The following HSD17B3 variants were observed in gnomAD, a reference collection of about 807,000 sequenced individuals.
HSD17B3 encodes the protein hydroxysteroid 17-beta dehydrogenase 3.
Under a neutral mutation model 41.1 loss-of-function variants are expected in HSD17B3, and 29 were observed. The observed-to-expected ratio is 0.71, with a 90% CI of 0.53 to 0.96. The LOEUF is 0.96. HSD17B3 is among the 40% of genes least tolerant of loss of function. The pLI, the probability that HSD17B3 is intolerant of heterozygous loss-of-function variation, is 0.00. For missense variants in HSD17B3, 323 were observed against 374.6 expected, an observed-to-expected ratio of 0.86 and a Z score of 1.14; for synonymous variants, 126 against 145.6, an observed-to-expected ratio of 0.87 and a Z score of 0.97.
chr9:96,292,526 T>C (rs1489553506), intron 2 of HSD17B3, among the ~76,000 whole-genome samples: 1 of 152,036 alleles, frequency 6.6e-6, no homozygotes, highest in African/African-American at 2.4e-5. Context: ...TTTTGTATTT[T>C]CCGTAGAGAC....
chr9:96,258,061 T>C (rs1825734769), intron 2 of HSD17B3, among the ~76,000 whole-genome samples: 1 of 152,228 alleles, frequency 6.6e-6, no homozygotes, highest in African/African-American at 2.4e-5. Context: ...CCCATTCTTC[T>C]ATGGAGTAAC....
intron 3 of HSD17B3, 135 bp downstream of exon 3, chr9:96,254,733 C>G (rs1246083855): frequency 2.6e-6 from 2 of 756,712 alleles, no homozygotes; most frequent in East Asian, 2.7e-5. Flanking sequence ...GCTTTGTAAC[C>G]GGGCTCCCCA....
At chr9:96,300,773 TA>T in intron 1 of HSD17B3, among the ~76,000 whole-genome samples, 1 of 152,166 alleles carries the variant, frequency 6.6e-6, no homozygotes, top group Non-Finnish European at 1.5e-5. Flanking sequence ...TTCCAGTAGA[TA>T]AATCCCATGG....
chr9:96,301,907 G>T, intron 1 of HSD17B3, 44 bp downstream of exon 1: 1 of 1,584,418 alleles, frequency 6.3e-7, no homozygotes, highest in Non-Finnish European at 8.7e-7. Flanking sequence ...GTAACAAGCA[G>T]GAACAACAGC....
chr9:96,295,882 T>C (rs1002019316), intron 2 of HSD17B3, among the ~76,000 whole-genome samples: 5 of 152,020 alleles, frequency 3.3e-5, no homozygotes, highest in Non-Finnish European at 5.9e-5. Context: ...AGATGACACT[T>C]GGAGGTAAGG....
At position 96,259,753 on chromosome 9, in the gene HSD17B3, C is replaced by T. The variant is rs369858033; in HGVS notation, c.202-4810G>A. Among the ~76,000 whole-genome samples, 13 of 151,910 alleles carry T rather than the reference C, an allele frequency of 8.6e-5. No individual in the cohort carries two copies. The East Asian group carries it at 2.5e-3, about 29-fold the overall frequency. On this transcript the variant is annotated intron_variant, in intron 2 of 10. Coordinates refer to ENST00000375263, the MANE Select transcript of HSD17B3 (RefSeq NM_000197.2). ...AAAAAAAAAGTGTGTAGCGGAGAAT[C>T]TGTCACATAAGAAGCCCTCAATTGT...
intron 2 of HSD17B3, among the ~76,000 whole-genome samples, chr9:96,266,722 C>T (rs1587748198): frequency 6.6e-6 from 1 of 152,124 alleles, no homozygotes; most frequent in African/African-American, 2.4e-5. Flanking sequence ...GAGAGAGAAG[C>T]TAGACTCAGG....
In HSD17B3 at chr9:96,302,096, G is replaced by A. The variant is rs139582148; in HGVS notation, c.9C>T (p.Asp3=). 2.6e-4 allele frequency: 413 copies of A among 1,614,024 alleles called. 2 individuals carry two copies. Among genetic ancestry groups the A allele is most frequent in the Middle Eastern group, 1.5e-3 (9 of 6,062 alleles). ...TGAGGATGAAGAACTGTTCCAGGAC[G>A]TCCCCCATGGCTGCACTCAACAGAC... MG[D]VLEQFFILTG... The change falls in exon 1 of 11, where the codon GAC becomes GAT. Residue 3 remains aspartate, a synonymous_variant. Coordinates refer to ENST00000375263, the MANE Select transcript of HSD17B3 (RefSeq NM_000197.2).
At chr9:96,300,387 G>A (rs1827550831) in intron 1 of HSD17B3, among the ~76,000 whole-genome samples, 1 of 103,658 alleles carries the variant, frequency 9.6e-6, no homozygotes, top group Non-Finnish European at 2.1e-5. Flanking sequence ...GATACAGAAT[G>A]CCCACTTAAA....
chr9:96,277,434 A>G (rs943477617), intron 2 of HSD17B3, among the ~76,000 whole-genome samples: 1 of 152,244 alleles, frequency 6.6e-6, no homozygotes, highest in African/African-American at 2.4e-5. Flanking sequence ...TTTTCAAAAG[A>G]AAACATACAA....
intron 1 of HSD17B3, among the ~76,000 whole-genome samples, chr9:96,299,482 G>A (rs184732512): frequency 2.6e-5 from 4 of 152,014 alleles, no homozygotes; most frequent in African/African-American, 9.7e-5. Context: ...CCCAATACAG[G>A]GCCTACACTA....
chr9:96,250,257 A>T, intron 5 of HSD17B3: 1 of 1,107,270 alleles, frequency 9.0e-7, no homozygotes, highest in Non-Finnish European at 1.1e-6. Flanking sequence ...GGACACAGAC[A>T]CTAGCACAAA....
intron 1 of HSD17B3, among the ~76,000 whole-genome samples, chr9:96,301,096 A>G (rs866436832): frequency 6.6e-6 from 1 of 152,316 alleles, no homozygotes; most frequent in African/African-American, 2.4e-5. Flanking sequence ...TGGGGTTGAG[A>G]GGATAAGTGC....
chr9:96,243,828 C>A (rs1836547034), intron 9 of HSD17B3, among the ~76,000 whole-genome samples: 1 of 152,194 alleles, frequency 6.6e-6, no homozygotes, highest in African/African-American at 2.4e-5. Context: ...TGCTCGAGAA[C>A]CAGAGTGTGG....
At chr9:96,267,095 CA>C (rs1398033900) in intron 2 of HSD17B3, among the ~76,000 whole-genome samples, 6 of 152,036 alleles carry the variant, frequency 3.9e-5, no homozygotes, top group African/African-American at 1.5e-4. Flanking sequence ...AACTTGAAGA[CA>C]GACTGCCAGA....
chr9:96,255,387 T>C (rs1247812630), intron 2 of HSD17B3, among the ~76,000 whole-genome samples: 2 of 78,806 alleles, frequency 2.5e-5, no homozygotes, highest in African/African-American at 5.5e-5. Context: ...TTTTTTTTTT[T>C]TTTTTTTTTT....
At chr9:96,291,986 C>T (rs1005801293) in intron 2 of HSD17B3, among the ~76,000 whole-genome samples, 4 of 151,714 alleles carry the variant, frequency 2.6e-5, no homozygotes, top group African/African-American at 9.7e-5. Context: ...TTCAATAAAC[C>T]ATTATAAACA....
rs373708696 is a variant in HSD17B3 at position 96,301,345 on chromosome 9, G to A, written c.154+606C>T. On this transcript the variant is annotated intron_variant, in intron 1 of 10. Coordinates refer to ENST00000375263, the MANE Select transcript of HSD17B3 (RefSeq NM_000197.2). ...TGTCATCCCAGCCGTTGGGGAGGCC[G>A]AGTCGGGTGAATCACAAGGTCAAGA... Among the ~76,000 whole-genome samples, 65 of 148,980 alleles carry A rather than the reference G, an allele frequency of 4.4e-4. 1 individual carries two copies. The East Asian group carries it at 7.9e-3, about 18-fold the overall frequency.
At chr9:96,270,665 G>A (rs1826206137) in intron 2 of HSD17B3, among the ~76,000 whole-genome samples, 1 of 152,250 alleles carries the variant, frequency 6.6e-6, no homozygotes, top group Non-Finnish European at 1.5e-5. Flanking sequence ...GCCATTACCT[G>A]AAGTTATCGG....
Sources: gnomAD v4.1 joint callset for allele counts (sites outside exome capture counted in the v4.1 genomes callset) on GRCh38, gnomAD v4.1.1 for gene constraint, MANE v1.5 for transcripts, NCBI Gene and HGNC (gene_info 2026-07-23, HGNC 2026-07-21) for gene names.